The following SERPING1 variants were observed in gnomAD, a reference collection of about 807,000 sequenced individuals.
The protein encoded by SERPING1 is plasma protease C1 inhibitor.
SERPING1 carries 5 observed loss-of-function variants against 34.1 expected under a neutral mutation model. That is an observed-to-expected ratio of 0.15 (90% CI 0.08 to 0.31). The LOEUF (loss-of-function observed/expected upper bound fraction) is 0.31. Ranked by LOEUF, SERPING1 falls within the 10% of genes least tolerant of loss-of-function variation. SERPING1 has a pLI of 1.00. For synonymous variants in SERPING1, 225 were observed against 242.4 expected, an observed-to-expected ratio of 0.93 and a Z score of 0.67; for missense variants, 505 against 609.5, an observed-to-expected ratio of 0.83 and a Z score of 1.81.
At chr11:57,605,151 T>A (rs1277507003) in intron 4 of SERPING1, among the ~76,000 whole-genome samples, 1 of 152,182 alleles carries the variant, frequency 6.6e-6, no homozygotes, top group African/African-American at 2.4e-5. Flanking sequence ...GTAAGTCAGC[T>A]TTATCCGCTG....
Position 57,600,003 on chromosome 11 carries a change from T to C in SERPING1, c.176T>C (p.Ile59Thr), listed in dbSNP as rs753672983. 1 of 1,614,152 alleles carries C rather than the reference T, an allele frequency of 6.2e-7. No individual in the cohort carries two copies. The highest frequency in any genetic ancestry group is 8.5e-7 in the Non-Finnish European group (1 of 1,180,040). ...TCCAAGATGCTATTCGTTGAACCCATCCTGGAGGTTTCCAGCTTGCCGACA... is the reference window on the plus strand; with the variant it reads ...TCCAAGATGCTATTCGTTGAACCCACCCTGGAGGTTTCCAGCTTGCCGACA... Reference protein sequence around the residue: ...VISKMLFVEPILEVSSLPTTN... With the variant: ...VISKMLFVEPTLEVSSLPTTN... Residue 59 changes from isoleucine to threonine, a missense_variant, in exon 3 of 8, where the codon ATC becomes ACC. Transcript: ENST00000278407.
At chr11:57,600,520 T>G in intron 3 of SERPING1, 143 bp downstream of exon 3, 1 of 860,648 alleles carries the variant, frequency 1.2e-6, no homozygotes. Flanking sequence ...TAGAGGGATG[T>G]ATCTTTTCAT....
chr11:57,604,365 C>T (rs984333164), intron 4 of SERPING1, among the ~76,000 whole-genome samples: 1 of 152,018 alleles, frequency 6.6e-6, no homozygotes, highest in Non-Finnish European at 1.5e-5. Context: ...ACTTACAAAA[C>T]GATCCAATGT....
At chr11:57,605,797 T>G in intron 4 of SERPING1, 1 of 622,896 alleles carries the variant, frequency 1.6e-6, no homozygotes. Flanking sequence ...AGCGGAGGCT[T>G]GGGGCTACTT....
chr11:57,611,524 C>T, intron 6 of SERPING1, 193 bp from the exon 7 acceptor site: 3 of 636,330 alleles, frequency 4.7e-6, no homozygotes, highest in Non-Finnish European at 5.6e-6. Context: ...CTCTCCCCAG[C>T]ACAGAGTTGG....
intron 6 of SERPING1, among the ~76,000 whole-genome samples, chr11:57,609,724 C>A (rs1395509196): frequency 1.3e-5 from 2 of 152,110 alleles, no homozygotes; most frequent in South Asian, 2.1e-4. Context: ...TTTTAAGCTC[C>A]CTTTAAAAAT....
At position 57,614,473 on chromosome 11, in the gene SERPING1, C is replaced by T. The variant is rs776423329; in HGVS notation, c.1395C>T (p.Ala465=). The change falls in exon 8 of 8, where the codon GCC becomes GCT. Residue 465 remains alanine, a synonymous_variant. Coordinates refer to ENST00000278407, the MANE Select transcript of SERPING1 (RefSeq NM_000062.3). ...EAAAASAISV[A]RTLLVFEVQQ... is the part of the protein sequence containing the mutation. ...CTGCAGCCTCCGCCATCTCTGTGGC[C>T]CGCACCCTGCTGGTCTTTGAAGTGC... is the stretch of plus-strand genomic sequence containing the variant. 21 of 1,613,994 alleles carry T rather than the reference C, an allele frequency of 1.3e-5. 1 individual carries two copies. The African/African-American group carries it at 2.7e-4, about 21-fold the overall frequency.
intron 3 of SERPING1, 114 bp from the exon 4 acceptor site, chr11:57,601,921 A>T: frequency 1.0e-6 from 1 of 985,290 alleles, no homozygotes; most frequent in Non-Finnish European, 1.6e-6. Flanking sequence ...ATGATCTGTG[A>T]TCCCCTCCAA....
At chr11:57,607,317 T>A (rs1945421374) in intron 6 of SERPING1, among the ~76,000 whole-genome samples, 1 of 152,246 alleles carries the variant, frequency 6.6e-6, no homozygotes, top group South Asian at 2.1e-4. Context: ...TCTTGTCATT[T>A]GGGTGTCAGC....
At chr11:57,600,467 G>A in intron 3 of SERPING1, 90 bp downstream of exon 3, 1 of 1,451,794 alleles carries the variant, frequency 6.9e-7, no homozygotes, top group Admixed American at 1.7e-5. Flanking sequence ...CATGCCTCTG[G>A]GAAGAAGCTG....
At chr11:57,613,405 G>C (rs887870945) in intron 7 of SERPING1, among the ~76,000 whole-genome samples, 1 of 152,180 alleles carries the variant, frequency 6.6e-6, no homozygotes, top group African/African-American at 2.4e-5. Flanking sequence ...AGACCAACCA[G>C]CTATAATTTG....
intron 4 of SERPING1, among the ~76,000 whole-genome samples, chr11:57,604,960 C>T (rs542264834): frequency 6.6e-6 from 1 of 151,870 alleles, no homozygotes; most frequent in East Asian, 1.9e-4. Context: ...ATGTTTATGC[C>T]TCTGTACTCT....
At position 57,609,005 on chromosome 11, in the gene SERPING1, G is replaced by A. The variant is rs920812378; in HGVS notation, c.1029+2458G>A. 7.9e-5 allele frequency among the ~76,000 whole-genome samples: 12 copies of A among 152,164 alleles called. No individual in the cohort carries two copies. In the South Asian group the frequency reaches 8.3e-4, roughly 11 times the overall value. ...TAAGAGTAGGGTGATTTGGCTGGGC[G>A]CAGTGGCTCATGCCTATAATCCCAG... On this transcript the variant is annotated intron_variant, in intron 6 of 7. Coordinates refer to ENST00000278407, the MANE Select transcript of SERPING1 (RefSeq NM_000062.3).
At chr11:57,608,660 C>G (rs1037016346) in intron 6 of SERPING1, among the ~76,000 whole-genome samples, 1 of 151,934 alleles carries the variant, frequency 6.6e-6, no homozygotes, top group Admixed American at 6.6e-5. Flanking sequence ...TTATAGGTGC[C>G]TGCCACCACT....
chr11:57,597,896 A>G, intron 1 of SERPING1, 174 bp downstream of exon 1: 1 of 216,298 alleles, frequency 4.6e-6, no homozygotes. Flanking sequence ...CTCCCGCCTC[A>G]GGCCTGTTGT....
intron 3 of SERPING1, among the ~76,000 whole-genome samples, chr11:57,600,619 C>T (rs1469065882): frequency 5.9e-5 from 9 of 152,088 alleles, no homozygotes; most frequent in African/African-American, 1.7e-4. Context: ...AAAATAAGGT[C>T]GCAGCCACTA....
At position 57,611,836 on chromosome 11, in the gene SERPING1, GGA is replaced by G; in HGVS notation, c.1152_1153del (p.Lys385ThrfsTer39). Reference protein sequence around the residue: ...LSPSVFKAIMEKLEMSKFQPT... With the variant: ...LSPSVFKAIMXKLEMSKFQPT... ...GCCCTTCTGTTTTCAAGGCCATCAT[GGA>G]GAAACTGGAGATGTCCAAGTTCCAG... On this transcript the variant is annotated frameshift_variant, in exon 7 of 8. Coordinates refer to ENST00000278407, the MANE Select transcript of SERPING1 (RefSeq NM_000062.3). LOFTEE classifies it high-confidence loss of function. The G allele has an allele frequency of 6.2e-7, 1 of 1,614,128 alleles. No individual in the cohort carries two copies. Among genetic ancestry groups the G allele is most frequent in the Non-Finnish European group, 8.5e-7 (1 of 1,180,018 alleles).
intron 7 of SERPING1, 117 bp downstream of exon 7, chr11:57,612,053 G>T: frequency 1.1e-6 from 1 of 879,574 alleles, no homozygotes; most frequent in Non-Finnish European, 1.9e-6. Context: ...AGTTTGTCCT[G>T]CAACCCTGCA....
intron 2 of SERPING1, among the ~76,000 whole-genome samples, chr11:57,599,583 T>G (rs574542155): frequency 1.3e-5 from 2 of 152,356 alleles, no homozygotes; most frequent in East Asian, 3.9e-4. Flanking sequence ...GCTTCACTGT[T>G]TGGAAAACAA....
Sources: allele counts gnomAD v4.1 joint callset (sites outside exome capture counted in the v4.1 genomes callset), GRCh38; gene constraint gnomAD v4.1.1; transcripts MANE v1.5; gene names NCBI Gene and HGNC (gene_info 2026-07-23, HGNC 2026-07-21).